The following BLTP2 variants were observed in gnomAD, a reference collection of about 807,000 sequenced individuals.
BLTP2 encodes the protein U937-associated antigen.
the BLTP2 span, chr17:28,638,667 T>A: frequency 7.2e-7 from 1 of 1,393,602 alleles, no homozygotes; most frequent in Non-Finnish European, 1.0e-6. Context: ...GACATCATTG[T>A]TTGGTAAGAA....
the BLTP2 span, among the ~76,000 whole-genome samples, chr17:28,618,185 G>A: frequency 1.4e-3 from 209 of 152,020 alleles, no homozygotes; most frequent in Non-Finnish European, 2.5e-3. Flanking sequence ...CACCTGCCTC[G>A]GCCTTCCAGA....
chr17:28,639,992 G>A, the BLTP2 span: 15 of 1,613,878 alleles, frequency 9.3e-6, no homozygotes, highest in African/African-American at 1.3e-5. Context: ...GGTGGTACAG[G>A]AACTGCAGCA....
At chr17:28,644,941 C>T in the BLTP2 span, 1 of 1,502,444 alleles carries the variant, frequency 6.7e-7, no homozygotes, top group Non-Finnish European at 9.1e-7. Context: ...TCTCCGCCCC[C>T]TCCCTCCCGC....
chr17:28,635,665 A>T, the BLTP2 span: 1 of 1,533,726 alleles, frequency 6.5e-7, no homozygotes, highest in Non-Finnish European at 8.8e-7. Context: ...AACAGTAGAG[A>T]TGGCAAGGAT....
chr17:28,641,046 G>A, the BLTP2 span, among the ~76,000 whole-genome samples: 1 of 152,198 alleles, frequency 6.6e-6, no homozygotes, highest in Non-Finnish European at 1.5e-5. Flanking sequence ...GATTTAGTTA[G>A]AGAATATACA....
the BLTP2 span, among the ~76,000 whole-genome samples, chr17:28,626,744 T>C: frequency 6.6e-6 from 1 of 152,212 alleles, no homozygotes; most frequent in Admixed American, 6.5e-5. Flanking sequence ...CATGCCTGCC[T>C]GGGGAGGGCA....
At chr17:28,625,815 G>C in the BLTP2 span, among the ~76,000 whole-genome samples, 1 of 152,140 alleles carries the variant, frequency 6.6e-6, no homozygotes, top group African/African-American at 2.4e-5. Flanking sequence ...GCCCAGGCTG[G>C]AGTGCAATGG....
the BLTP2 span, chr17:28,641,897 G>A: frequency 1.9e-6 from 3 of 1,607,910 alleles, no homozygotes; most frequent in Admixed American, 1.7e-5. Context: ...ACCTGAACAG[G>A]GAACAGGCTT....
the BLTP2 span, among the ~76,000 whole-genome samples, chr17:28,642,644 C>G: frequency 2.6e-5 from 4 of 152,142 alleles, no homozygotes; most frequent in Admixed American, 2.6e-4. Context: ...GAGCAAGACT[C>G]TGTCTCAAAA....
the BLTP2 span, chr17:28,640,057 T>C: frequency 1.2e-6 from 2 of 1,608,892 alleles, no homozygotes; most frequent in South Asian, 1.1e-5. Context: ...CTCAGGAAGA[T>C]GTGGAATGCC....
chr17:28,638,410 G>A, the BLTP2 span: 1 of 1,613,808 alleles, frequency 6.2e-7, no homozygotes. Flanking sequence ...CTGAGGTGCT[G>A]GTAATCTGAA....
At chr17:28,643,293 G>A in the BLTP2 span, 2 of 1,614,134 alleles carry the variant, frequency 1.2e-6, no homozygotes, top group East Asian at 4.5e-5. Flanking sequence ...CTTCTCCAAA[G>A]CACAATGCCA....
At chr17:28,620,378 T>C in the BLTP2 span, 1 of 1,050,794 alleles carries the variant, frequency 9.5e-7, no homozygotes, top group Non-Finnish European at 1.4e-6. Flanking sequence ...CACTGCCGAC[T>C]AAGAGAATCT....
the BLTP2 span, chr17:28,635,731 G>T: frequency 1.0e-6 from 1 of 985,650 alleles, no homozygotes; most frequent in Non-Finnish European, 1.5e-6. Flanking sequence ...TTGTTCCTGA[G>T]TAATCACATT....
At chr17:28,628,895 C>T in the BLTP2 span, among the ~76,000 whole-genome samples, 1 of 151,634 alleles carries the variant, frequency 6.6e-6, no homozygotes, top group Non-Finnish European at 1.5e-5. Flanking sequence ...GATCACACCA[C>T]TGCACTCTAG....
the BLTP2 span, chr17:28,621,642 C>G: frequency 3.1e-6 from 2 of 653,130 alleles, no homozygotes; most frequent in African/African-American, 3.6e-5. Flanking sequence ...CCATATCTCC[C>G]AGGATAGAGG....
the BLTP2 span, chr17:28,631,887 C>A: frequency 6.2e-7 from 1 of 1,614,130 alleles, no homozygotes; most frequent in South Asian, 1.1e-5. Context: ...TCTGGATGCC[C>A]CGTTGCTGGG....
the BLTP2 span, chr17:28,632,180 A>T: frequency 6.2e-7 from 1 of 1,614,006 alleles, no homozygotes; most frequent in African/African-American, 1.3e-5. Context: ...CAAGTTGCCC[A>T]GAAGTTTTGC....
the BLTP2 span, chr17:28,637,093 C>T: frequency 6.2e-7 from 1 of 1,614,082 alleles, no homozygotes; most frequent in South Asian, 1.1e-5. Flanking sequence ...AGCGCTAACA[C>T]AAGTCCTTGA....
Sources: allele counts gnomAD v4.1 joint callset (sites outside exome capture counted in the v4.1 genomes callset), GRCh38; gene constraint gnomAD v4.1.1; transcripts MANE v1.5; gene names NCBI Gene and HGNC (gene_info 2026-07-23, HGNC 2026-07-21).